AFAP1: variants seen among roughly 807,000 people sequenced by gnomAD.
AFAP1 encodes the protein actin filament associated protein 1.
AFAP1 carries 75 observed loss-of-function variants against 93.9 expected under a neutral mutation model. The ratio of observed to expected loss-of-function variants is 0.80; its 90% CI spans 0.66 to 0.97. The LOEUF is 0.97. AFAP1 is among the 50% of genes least tolerant of loss of function. The pLI, the probability that AFAP1 is intolerant of heterozygous loss-of-function variation, is 0.00. For missense variants in AFAP1, 1,201 were observed against 1,050.8 expected (o/e 1.14, Z -1.98); for synonymous variants, 517 against 430.7 (o/e 1.20, Z -2.48).
chr4:7,850,071 G>A (rs1714261299), intron 4 of AFAP1, among the ~76,000 whole-genome samples: 1 of 152,154 alleles, frequency 6.6e-6, no homozygotes, highest in African/African-American at 2.4e-5. Flanking sequence ...CCACGAGAAG[G>A]TTGTGAATAG....
At chr4:7,894,195 A>G (rs777284810) in intron 1 of AFAP1, among the ~76,000 whole-genome samples, 122 of 152,272 alleles carry the variant, frequency 8.0e-4, no homozygotes, top group Non-Finnish European at 9.6e-4. Context: ...ACCTGGCCCA[A>G]AGCCTATTTT....
At chr4:7,783,539 G>T (rs1238330251) in intron 12 of AFAP1, among the ~76,000 whole-genome samples, 1 of 152,198 alleles carries the variant, frequency 6.6e-6, no homozygotes, top group Non-Finnish European at 1.5e-5. Flanking sequence ...GGAAGGGCCT[G>T]GGCAGAGGAA....
At chr4:7,883,805 G>T (rs767959414) in intron 1 of AFAP1, among the ~76,000 whole-genome samples, 25 of 152,338 alleles carry the variant, frequency 1.6e-4, no homozygotes, top group Non-Finnish European at 3.5e-4. Context: ...ATTGAAAGAT[G>T]AAGAAGTAAA....
intron 16 of AFAP1, among the ~76,000 whole-genome samples, chr4:7,769,920 G>C (rs1485643589): frequency 2.0e-5 from 3 of 152,222 alleles, no homozygotes; most frequent in Non-Finnish European, 2.9e-5. Flanking sequence ...GTAGTAGTGA[G>C]TGAATACAAT....
chr4:7,840,336 T>A (rs1253256448), intron 5 of AFAP1, among the ~76,000 whole-genome samples: 1 of 146,106 alleles, frequency 6.8e-6, no homozygotes, highest in Non-Finnish European at 1.5e-5. Flanking sequence ...GTGTTTGAGA[T>A]GAAGTCTCTC....
intron 9 of AFAP1, among the ~76,000 whole-genome samples, chr4:7,802,341 A>G (rs924911733): frequency 3.9e-5 from 6 of 152,154 alleles, no homozygotes; most frequent in Non-Finnish European, 7.4e-5. Flanking sequence ...AGCAAACTAC[A>G]CTCGATCCAA....
rs891268260 is a variant in AFAP1, at chr4:7,762,530, G to A, written c.*1235C>T. ...AGTTAATCTGATTTTTAAACCCAGG[G>A]GGTAAATACCAGCTCAAACTATGAA... On this transcript the variant is annotated 3_prime_UTR_variant, in exon 18 of 18. Coordinates refer to ENST00000420658, the MANE Select transcript of AFAP1 (RefSeq NM_001134647.2). The A allele has an allele frequency of 6.6e-6, 1 of 152,220 alleles. No individual in the cohort carries two copies. Among genetic ancestry groups the A allele is most frequent in the Non-Finnish European group, 1.5e-5 (1 of 68,046 alleles). 9.4% of individuals were successfully genotyped at this position (152,220 alleles called of 1,614,324 possible).
intron 1 of AFAP1, among the ~76,000 whole-genome samples, chr4:7,921,486 C>CT (rs11289034): frequency 1.3e-5 from 2 of 151,594 alleles, no homozygotes; most frequent in Non-Finnish European, 2.9e-5. Context: ...CACCTGGCCA[C>CT]TTTTTTTTTA....
intron 1 of AFAP1, among the ~76,000 whole-genome samples, chr4:7,882,909 G>A (rs2149198438): frequency 6.6e-6 from 1 of 151,860 alleles, no homozygotes; most frequent in African/African-American, 2.4e-5. Flanking sequence ...AATAGGCCAG[G>A]CACAGTGACT....
intron 1 of AFAP1, among the ~76,000 whole-genome samples, chr4:7,927,029 T>C (rs903473096): frequency 2.6e-5 from 4 of 152,204 alleles, no homozygotes; most frequent in Admixed American, 1.3e-4. Context: ...TCCTGACCTT[T>C]TGTCCTGGCA....
intron 10 of AFAP1, among the ~76,000 whole-genome samples, chr4:7,799,322 C>T (rs1275877876): frequency 6.7e-6 from 1 of 148,642 alleles, no homozygotes; most frequent in Non-Finnish European, 1.5e-5. Context: ...ATCTATTTTT[C>T]ATCCCCACCA....
chr4:7,762,454 G>C lies in AFAP1; in HGVS notation c.*1311C>G, dbSNP rs1713949803. On this transcript the variant is annotated 3_prime_UTR_variant, in exon 18 of 18. Transcript: ENST00000420658. ...GTGACTTATTTCGTCATAAGTGACT[G>C]CATCTTCCCGTACTGGAGAATTCCT... The C allele has an allele frequency of 6.6e-6, 1 of 152,236 alleles. No individual in the cohort carries two copies. The allele number at this position is 152,236 out of a possible 1,614,324, so 9.4% of individuals were successfully genotyped here.
intron 6 of AFAP1, among the ~76,000 whole-genome samples, chr4:7,827,569 C>CACAAAAAAAAAAAAAAAAAAAAAA (rs1553841301): frequency 1.9e-5 from 1 of 52,254 alleles, no homozygotes; most frequent in Admixed American, 2.9e-4. Context: ...ACTCTGTCTC[C>CACAAAAAAAAAAAAAAAAAAAAAA]AAAAAAAAAA....
intron 1 of AFAP1, among the ~76,000 whole-genome samples, chr4:7,875,564 A>G (rs1454668489): frequency 6.6e-6 from 1 of 150,924 alleles, no homozygotes; most frequent in Non-Finnish European, 1.5e-5. Flanking sequence ...GGCTGCAGTG[A>G]GCCATGACTG....
At chr4:7,894,411 A>G (rs1032686343) in intron 1 of AFAP1, among the ~76,000 whole-genome samples, 1 of 152,200 alleles carries the variant, frequency 6.6e-6, no homozygotes, top group African/African-American at 2.4e-5. Flanking sequence ...AAACCTGAAG[A>G]CAAAGGATAT....
chr4:7,900,276 A>T (rs4478172), intron 1 of AFAP1, among the ~76,000 whole-genome samples: 4 of 137,740 alleles, frequency 2.9e-5, no homozygotes, highest in Non-Finnish European at 6.7e-5. Flanking sequence ...AATAAAAGAA[A>T]TGAAACCCCC....
chr4:7,826,151 TCTCA>T (rs556835528), intron 6 of AFAP1, among the ~76,000 whole-genome samples: 11 of 152,226 alleles, frequency 7.2e-5, no homozygotes, highest in Admixed American at 5.2e-4. Context: ...CCAGCCAAGT[TCTCA>T]CTGTGTGGGC....
chr4:7,821,958 G>A (rs955191273), intron 6 of AFAP1, among the ~76,000 whole-genome samples: 6 of 152,204 alleles, frequency 3.9e-5, no homozygotes, highest in African/African-American at 1.4e-4. Flanking sequence ...CTTTGCTAAT[G>A]CCGAGGTGTG....
At chr4:7,778,701 A>G (rs2148977557) in intron 14 of AFAP1, 61 bp downstream of exon 14, 1 of 1,527,850 alleles carries the variant, frequency 6.5e-7, no homozygotes, top group East Asian at 2.2e-5. Flanking sequence ...AGGCTCAGAC[A>G]GGCCCAGCTC....
Sources: gnomAD v4.1 joint callset for allele counts (sites outside exome capture counted in the v4.1 genomes callset) on GRCh38, gnomAD v4.1.1 for gene constraint, MANE v1.5 for transcripts, NCBI Gene and HGNC (gene_info 2026-07-23, HGNC 2026-07-21) for gene names.